DGKB: variants seen among roughly 807,000 people sequenced by gnomAD.
DGKB encodes the protein 90 kDa diacylglycerol kinase.
A neutral mutation model predicts 114.3 loss-of-function variants in DGKB; 67 were observed. That is an observed-to-expected ratio of 0.59 (90% confidence interval 0.48 to 0.72). DGKB has a LOEUF of 0.72. DGKB is among the 30% of genes least tolerant of loss of function. The pLI, the probability that DGKB is intolerant of heterozygous loss-of-function variation, is 0.00. For synonymous variants in DGKB, 398 were observed against 323.1 expected, an observed-to-expected ratio of 1.23 and a Z score of -2.49; for missense variants, 907 against 975.2, an observed-to-expected ratio of 0.93 and a Z score of 0.93.
intron 1 of DGKB, among the ~76,000 whole-genome samples, chr7:14,918,092 G>C (rs1268659465): frequency 6.6e-6 from 1 of 152,048 alleles, no homozygotes; most frequent in East Asian, 1.9e-4. Context: ...TAACAGGAGA[G>C]AAATTCCCCT....
chr7:14,235,755 T>C (rs1171809513), intron 23 of DGKB, among the ~76,000 whole-genome samples: 1 of 152,090 alleles, frequency 6.6e-6, no homozygotes, highest in Non-Finnish European at 1.5e-5. Context: ...ACTTCTCTCC[T>C]AAAAAGCTAA....
chr7:14,568,962 A>T (rs750857216), intron 20 of DGKB, among the ~76,000 whole-genome samples: 4 of 152,200 alleles, frequency 2.6e-5, no homozygotes, highest in Non-Finnish European at 5.9e-5. Flanking sequence ...AAGCTTTTTC[A>T]TGCTGTTATA....
At position 14,252,641 on chromosome 7, in the gene DGKB, C is replaced by T. The variant is rs141076250; in HGVS notation, c.2123-74490G>A. On this transcript the variant is annotated intron_variant, in intron 23 of 25. Transcript: ENST00000402815. ...CAGGCTCCACAGAAACAGGCCTTGT[C>T]CCTAGGCCTTGTCTCAAGGCCTGAA... Among the ~76,000 whole-genome samples, 928 of 152,256 alleles carry T rather than the reference C, an allele frequency of 6.1e-3. 5 individuals are homozygous for T. Among genetic ancestry groups the T allele is most frequent in the African/African-American group, 0.021 (886 of 41,554 alleles).
Position 14,791,657 on chromosome 7 carries a change from T to C in DGKB, c.71-33926A>G, listed in dbSNP as rs1264537464. ...CAAATGGGTGTTGGATTTTGTCAGA[T>C]ACATTTTCTGTACTTGTTAATATAA... On this transcript the variant is annotated intron_variant, in intron 2 of 25. Coordinates refer to ENST00000402815, the MANE Select transcript of DGKB (RefSeq NM_001350709.2). Among the ~76,000 whole-genome samples, 4 of 152,196 alleles carry C rather than the reference T, an allele frequency of 2.6e-5. 1 individual carries two copies. Among genetic ancestry groups the C allele is most frequent in the South Asian group, 4.1e-4 (2 of 4,834 alleles).
intron 23 of DGKB, among the ~76,000 whole-genome samples, chr7:14,294,497 T>A (rs1191746859): frequency 6.6e-6 from 1 of 152,134 alleles, no homozygotes; most frequent in Non-Finnish European, 1.5e-5. Flanking sequence ...CTTGGCCAAA[T>A]GAATAAATTG....
intron 23 of DGKB, among the ~76,000 whole-genome samples, chr7:14,241,593 T>C (rs1179144730): frequency 1.3e-5 from 2 of 152,058 alleles, no homozygotes; most frequent in Non-Finnish European, 2.9e-5. Flanking sequence ...TTTTTTAAGT[T>C]GAATTGGAAA....
chr7:14,749,261 A>G (rs1833786022), intron 4 of DGKB, among the ~76,000 whole-genome samples: 1 of 152,172 alleles, frequency 6.6e-6, no homozygotes, highest in Non-Finnish European at 1.5e-5. Context: ...TTCAAATTTC[A>G]GAGAGTTCCT....
intron 2 of DGKB, among the ~76,000 whole-genome samples, chr7:14,783,951 T>C (rs534590811): frequency 6.6e-6 from 1 of 152,260 alleles, no homozygotes; most frequent in Non-Finnish European, 1.5e-5. Flanking sequence ...ATACTTAAAA[T>C]TGATTTGAGG....
At chr7:14,166,620 A>G (rs1584183051) in intron 25 of DGKB, among the ~76,000 whole-genome samples, 1 of 152,014 alleles carries the variant, frequency 6.6e-6, no homozygotes. Context: ...CACTGAATGC[A>G]CTATAAACCC....
chr7:14,632,729 C>CTCCCAACCTTCT (rs1809974200), intron 13 of DGKB, among the ~76,000 whole-genome samples: 1 of 151,566 alleles, frequency 6.6e-6, no homozygotes, highest in Non-Finnish European at 1.5e-5. Context: ...ACAGAGTTCT[C>CTCCCAACCTTCT]ATTTAAGATG....
At chr7:14,152,560 G>A (rs1782378061) in intron 25 of DGKB, among the ~76,000 whole-genome samples, 1 of 151,904 alleles carries the variant, frequency 6.6e-6, no homozygotes, top group African/African-American at 2.4e-5. Context: ...AAGCAACAGT[G>A]GCAGAGAAAG....
chr7:14,880,922 A>G (rs1240362217), intron 1 of DGKB, among the ~76,000 whole-genome samples: 2 of 152,200 alleles, frequency 1.3e-5, no homozygotes, highest in Non-Finnish European at 2.9e-5. Flanking sequence ...TACAGTAAAC[A>G]AGGCTTCAAT....
chr7:14,851,849 C>T (rs1416101744), intron 1 of DGKB, among the ~76,000 whole-genome samples: 1 of 152,166 alleles, frequency 6.6e-6, no homozygotes, highest in African/African-American at 2.4e-5. Flanking sequence ...TCACAGTCAG[C>T]AAGCCAGCTT....
At position 14,423,885 on chromosome 7, in the gene DGKB, TG is replaced by T. The variant is rs138470662; in HGVS notation, c.1835+54275del. On this transcript the variant is annotated intron_variant, in intron 21 of 25. Coordinates refer to ENST00000402815, the MANE Select transcript of DGKB (RefSeq NM_001350709.2). ...TAAATGGTAACTCTATTCTTGTAGT[TG>T]CTCAGGCCCAAATCTTTATCATTTA... is the stretch of plus-strand genomic sequence containing the variant. Among the ~76,000 whole-genome samples, 568 of 152,252 alleles carry T rather than the reference TG, an allele frequency of 3.7e-3. 4 individuals are homozygous for T. The highest frequency in any genetic ancestry group is 0.013 in the African/African-American group (541 of 41,566).
At chr7:14,740,237 C>CTT (rs58096142) in intron 4 of DGKB, among the ~76,000 whole-genome samples, 2 of 142,782 alleles carry the variant, frequency 1.4e-5, no homozygotes, top group African/African-American at 2.6e-5. Context: ...ACGCTTAAGC[C>CTT]TTTTTTTTTT....
chr7:14,295,383 C>G (rs1233896679), intron 23 of DGKB, among the ~76,000 whole-genome samples: 1 of 152,010 alleles, frequency 6.6e-6, no homozygotes, highest in Non-Finnish European at 1.5e-5. Context: ...GAAGAATAAA[C>G]ATTGTTTCCT....
At chr7:14,264,068 C>T (rs1438352680) in intron 23 of DGKB, among the ~76,000 whole-genome samples, 1 of 151,996 alleles carries the variant, frequency 6.6e-6, no homozygotes, top group African/African-American at 2.4e-5. Context: ...CCAGGACTTC[C>T]AACAGGTAGA....
chr7:14,743,318 A>G (rs549681461), intron 4 of DGKB, among the ~76,000 whole-genome samples: 188 of 152,340 alleles, frequency 1.2e-3, no homozygotes, highest in African/African-American at 4.3e-3. Context: ...GAAAGAGAAG[A>G]CAGGAGACAA....
intron 1 of DGKB, among the ~76,000 whole-genome samples, chr7:14,862,475 C>T (rs773695315): frequency 1.2e-4 from 18 of 151,956 alleles, no homozygotes; most frequent in Admixed American, 4.6e-4. Flanking sequence ...GTTATAACAA[C>T]TTTCTGGGTG....
Sources: gnomAD v4.1 joint callset for allele counts (sites outside exome capture counted in the v4.1 genomes callset) on GRCh38, gnomAD v4.1.1 for gene constraint, MANE v1.5 for transcripts, NCBI Gene and HGNC (gene_info 2026-07-23, HGNC 2026-07-21) for gene names.